EFCAB7: variants seen among roughly 807,000 people sequenced by gnomAD.
EFCAB7 encodes the protein EF-hand calcium-binding domain-containing protein 7.
Under a neutral mutation model 77.1 loss-of-function variants are expected in EFCAB7, and 66 were observed. The observed-to-expected ratio is 0.86, with a 90% confidence interval of 0.70 to 1.05. EFCAB7 has a LOEUF of 1.05. Among genes scored for constraint, EFCAB7 ranks in the 50% least tolerant of loss-of-function variants. The pLI, the probability that EFCAB7 is intolerant of heterozygous loss-of-function variation, is 0.00. For missense variants in EFCAB7, 638 were observed against 730.5 expected (o/e 0.87, Z 1.46); for synonymous variants, 225 against 243.3 (o/e 0.92, Z 0.70).
At position 63,561,768 on chromosome 1, in the gene EFCAB7, A is replaced by C. The variant is rs1245800399; in HGVS notation, c.1408A>C (p.Met470Leu). ...ACAAGGATTTATGGATTTGAATCTA[A>C]TGGAAGCTAATGATCGAGAAGGAGA... ...TRQGFMDLNL[M>L]EANDREGDPC... The change falls in exon 11 of 14, where the codon ATG (methionine) becomes CTG (leucine). Residue 470 changes from methionine to leucine, a missense_variant. Met to Leu is a conservative substitution (Grantham distance 15). Coordinates refer to ENST00000371088, the MANE Select transcript of EFCAB7 (RefSeq NM_032437.4). The C allele has an allele frequency of 6.2e-7, 1 of 1,610,818 alleles. No homozygotes were observed. Among genetic ancestry groups the C allele is most frequent in the Admixed American group, 1.7e-5 (1 of 59,894 alleles).
chr1:63,572,500 A>C lies in EFCAB7; in HGVS notation c.1874A>C (p.Tyr625Ser). The part of the protein sequence containing the change: ...ERQEWIYYCI[Y>S]SLIS The stretch of plus-strand genomic sequence containing the variant: ...CAAGAATGGATATATTATTGTATAT[A>C]TTCTCTTATTTCTTAAATAATTATA... Residue 625 changes from tyrosine to serine, a missense_variant, in exon 14 of 14, where the codon TAT becomes TCT. Physicochemically the swap from Tyr to Ser is moderately radical, Grantham distance 144. Transcript: ENST00000371088. The C allele has an allele frequency of 2.0e-6, 3 of 1,509,002 alleles. No individual in the cohort carries two copies. Among genetic ancestry groups the C allele is most frequent in the Non-Finnish European group, 2.7e-6 (3 of 1,115,474 alleles). The allele number at this position is 1,509,002 out of a possible 1,614,324, so 93.5% of individuals were successfully genotyped here. A position where few individuals can be genotyped will look rare whatever the true frequency, so the allele number is the denominator to read the frequency against.
chr1:63,562,357 T>A (rs1352234286), intron 11 of EFCAB7, among the ~76,000 whole-genome samples: 2 of 149,558 alleles, frequency 1.3e-5, no homozygotes. Flanking sequence ...TCATCATTAT[T>A]ATCATTAACA....
chr1:63,531,684 C>T, intron 2 of EFCAB7, 136 bp from the exon 3 acceptor site: 3 of 780,376 alleles, frequency 3.8e-6, no homozygotes, highest in Non-Finnish European at 6.2e-6. Context: ...CTAGATAAGT[C>T]AACACCAAAG....
chr1:63,527,778 TGTCTA>T (rs1396899286), intron 2 of EFCAB7: 1 of 152,202 alleles, frequency 6.6e-6, no homozygotes, highest in African/African-American at 2.4e-5. Context: ...AAGTTGTTCT[TGTCTA>T]ATTACCAGTA....
chr1:63,549,230 T>C, intron 7 of EFCAB7: 1 of 416,954 alleles, frequency 2.4e-6, no homozygotes, highest in South Asian at 1.9e-5. Context: ...AGATTAAGGT[T>C]TAATAATGAT....
chr1:63,533,979 G>C, intron 5 of EFCAB7, 116 bp from the exon 6 acceptor site: 1 of 1,139,880 alleles, frequency 8.8e-7, no homozygotes, highest in Non-Finnish European at 1.2e-6. Context: ...TTTCAATAGG[G>C]AGAACAAAGA....
rs560203607 is a variant in EFCAB7, at chr1:63,551,586, G to A, written c.947-139G>A. The A allele has an allele frequency of 1.4e-4, 49 of 360,828 alleles. No individual in the cohort carries two copies. The South Asian group carries it at 3.3e-3, about 24-fold the overall frequency. 22.4% of individuals were successfully genotyped at this position (360,828 alleles called of 1,614,324 possible). A position where few individuals can be genotyped will look rare whatever the true frequency, so the allele number is the denominator to read the frequency against. ...AGGCTGGGTGACCAAGTGAGACTCC[G>A]TCTTGAAAAAAAAAAACATGGAATA... On this transcript the variant is annotated intron_variant, in intron 7 of 13. Transcript: ENST00000371088.
At chr1:63,566,920 A>G (rs1420228578) in intron 11 of EFCAB7, among the ~76,000 whole-genome samples, 1 of 150,476 alleles carries the variant, frequency 6.6e-6, no homozygotes, top group Non-Finnish European at 1.5e-5. Context: ...TATTTTTTAA[A>G]ACACAAATTT....
At chr1:63,559,377 C>T (rs909458403) in intron 10 of EFCAB7, among the ~76,000 whole-genome samples, 2 of 149,272 alleles carry the variant, frequency 1.3e-5, no homozygotes, top group Admixed American at 6.7e-5. Context: ...CTATTATTAA[C>T]ATCTTGCATT....
In EFCAB7 at chr1:63,538,945, G is replaced by A. The variant is rs1265140084; in HGVS notation, c.804+4729G>A. Among the ~76,000 whole-genome samples the A allele has an allele frequency of 2.6e-5, 4 of 152,096 alleles. No homozygotes were observed. The East Asian group carries it at 7.7e-4, about 29-fold the overall frequency. Reference sequence around the variant, plus strand: ...TGGTATTTGTCTTACTTTAATAACTGTTGTTCTACCATTTTCCAGCTATAT... The same window carrying A: ...TGGTATTTGTCTTACTTTAATAACTATTGTTCTACCATTTTCCAGCTATAT... On this transcript the variant is annotated intron_variant, in intron 6 of 13. Coordinates refer to ENST00000371088, the MANE Select transcript of EFCAB7 (RefSeq NM_032437.4).
intron 6 of EFCAB7, 148 bp from the exon 7 acceptor site, chr1:63,545,768 T>C: frequency 1.4e-6 from 1 of 710,596 alleles, no homozygotes. Context: ...ATGTCTGTTT[T>C]CTACCTCCTA....
chr1:63,555,377 A>T lies in EFCAB7; in HGVS notation c.1076A>T (p.Glu359Val), dbSNP rs201886387. 40 of 1,612,684 alleles carry T rather than the reference A, an allele frequency of 2.5e-5. No individual in the cohort carries two copies. Among genetic ancestry groups the T allele is most frequent in the Non-Finnish European group, 3.3e-5 (39 of 1,179,266 alleles). ...GAAAAGGTGTTTGGATGGACTGGTGAACTAGGACCTGGAATTTACTGGTTA... is the reference window on the plus strand; with the variant it reads ...GAAAAGGTGTTTGGATGGACTGGTGTACTAGGACCTGGAATTTACTGGTTA... ...RNREVFGWTG[E>V]LGPGIYWLIP... The change falls in exon 9 of 14, where the codon GAA becomes GTA. Residue 359 changes from glutamate (E) to valine (V), a missense_variant. Physicochemically the swap from Glu to Val is moderately radical, Grantham distance 121. Coordinates refer to ENST00000371088, the MANE Select transcript of EFCAB7 (RefSeq NM_032437.4).
chr1:63,583,233 CA>C, the EFCAB7 span, among the ~76,000 whole-genome samples: 1 of 152,146 alleles, frequency 6.6e-6, no homozygotes, highest in Non-Finnish European at 1.5e-5. Context: ...TTTATGAATG[CA>C]GTCACATTTA....
At chr1:63,572,388 C>A (rs1234727261) in intron 13 of EFCAB7, 54 bp from the exon 14 acceptor site, 9 of 1,453,854 alleles carry the variant, frequency 6.2e-6, no homozygotes, top group African/African-American at 1.5e-5. Flanking sequence ...TAAAAATTAG[C>A]CAAAAGTAAC....
intron 2 of EFCAB7, chr1:63,529,777 C>T (rs904137482): frequency 6.6e-6 from 1 of 152,044 alleles, no homozygotes; most frequent in African/African-American, 2.4e-5. Context: ...CTCTGTCACC[C>T]AGGCTGGAGC....
chr1:63,533,028 T>G (rs1646717783), intron 4 of EFCAB7, among the ~76,000 whole-genome samples: 1 of 152,156 alleles, frequency 6.6e-6, no homozygotes, highest in African/African-American at 2.4e-5. Context: ...AATTGCAATC[T>G]GATGACTACA....
At chr1:63,585,152 T>TG in the EFCAB7 span, among the ~76,000 whole-genome samples, 15 of 146,738 alleles carry the variant, frequency 1.0e-4, no homozygotes, top group African/African-American at 3.8e-4. Flanking sequence ...TGGAAGAGGT[T>TG]TTTTTTTTTT....
downstream of EFCAB7, chr1:63,572,797 G>A (rs1455463907): frequency 3.9e-6 from 2 of 512,220 alleles, no homozygotes; most frequent in Non-Finnish European, 5.1e-6. Flanking sequence ...TCCGAAAAGA[G>A]AGTCAGCAAA....
intron 6 of EFCAB7, among the ~76,000 whole-genome samples, chr1:63,537,083 A>G (rs1646772097): frequency 6.6e-6 from 1 of 152,218 alleles, no homozygotes; most frequent in Non-Finnish European, 1.5e-5. Context: ...AAAGGAAAAT[A>G]AGATCCTTAC....
Sources: gnomAD v4.1 joint callset for allele counts (sites outside exome capture counted in the v4.1 genomes callset) on GRCh38, gnomAD v4.1.1 for gene constraint, MANE v1.5 for transcripts, NCBI Gene and HGNC (gene_info 2026-07-23, HGNC 2026-07-21) for gene names.